ABCB1: variants seen among roughly 807,000 people sequenced by gnomAD.
The protein encoded by ABCB1 is ATP binding cassette subfamily B member 1, also known as ATP-dependent translocase ABCB1.
A neutral mutation model predicts 142.0 loss-of-function variants in ABCB1; 69 were observed. The observed-to-expected ratio is 0.49, with a 90% CI of 0.40 to 0.59. The LOEUF (loss-of-function observed/expected upper bound fraction) is 0.59. Ranked by LOEUF, ABCB1 falls within the 20% of genes least tolerant of loss-of-function variation. ABCB1 has a pLI of 0.00. For missense variants in ABCB1, 1,326 were observed against 1,554.7 expected (o/e 0.85, Z 2.47); for synonymous variants, 532 against 539.2 (o/e 0.99, Z 0.18).
chr7:87,659,256 TTTAG>T (rs1457567036), intron 1 of ABCB1: 27 of 413,180 alleles, frequency 6.5e-5, no homozygotes, highest in Non-Finnish European at 1.2e-4. Flanking sequence ...CCATTTTACT[TTTAG>T]TTTTCTGTTT....
intron 1 of ABCB1, among the ~76,000 whole-genome samples, chr7:87,677,873 C>T (rs1012850757): frequency 6.6e-6 from 1 of 152,124 alleles, no homozygotes; most frequent in Non-Finnish European, 1.5e-5. Flanking sequence ...CCATGGAGGA[C>T]AGATGACAGT....
At chr7:87,694,068 GT>G in intron 1 of ABCB1, 1 of 1,521,090 alleles carries the variant, frequency 6.6e-7, no homozygotes, top group Non-Finnish European at 8.7e-7. Flanking sequence ...CATTGCATGG[GT>G]TTTGTAAAGC....
At chr7:87,505,864 T>C in intron 27 of ABCB1, 33 bp downstream of exon 27, 3 of 1,613,290 alleles carry the variant, frequency 1.9e-6, no homozygotes, top group Non-Finnish European at 1.7e-6. Flanking sequence ...GATGACTGAT[T>C]CAAGTATGGA....
chr7:87,707,785 G>T (rs989171620), intron 1 of ABCB1, among the ~76,000 whole-genome samples: 2 of 152,208 alleles, frequency 1.3e-5, no homozygotes, highest in South Asian at 4.1e-4. Context: ...CTGAGCCATA[G>T]TTTATCTCAG....
At chr7:87,558,494 A>G (rs1817407400) in intron 8 of ABCB1, among the ~76,000 whole-genome samples, 1 of 152,012 alleles carries the variant, frequency 6.6e-6, no homozygotes, top group South Asian at 2.1e-4. Flanking sequence ...CCTATTTTCC[A>G]ATACTTACTG....
intron 17 of ABCB1, among the ~76,000 whole-genome samples, chr7:87,543,325 A>G (rs927649108): frequency 6.6e-6 from 1 of 152,210 alleles, no homozygotes; most frequent in African/African-American, 2.4e-5. Context: ...AATATATTTA[A>G]TATTAAGCAT....
chr7:87,583,248 G>T (rs1584900435), intron 4 of ABCB1, among the ~76,000 whole-genome samples: 1 of 152,160 alleles, frequency 6.6e-6, no homozygotes, highest in Admixed American at 6.5e-5. Flanking sequence ...CAACCATCCT[G>T]AGAAGTAGGT....
At position 87,503,761 on chromosome 7, in the gene ABCB1, A is replaced by G; in HGVS notation, c.*482T>C. The G allele has an allele frequency of 5.0e-6, 1 of 200,922 alleles. No homozygotes were observed. Among genetic ancestry groups the G allele is most frequent in the Non-Finnish European group, 1.0e-5 (1 of 97,818 alleles). 12.4% of individuals were successfully genotyped at this position (200,922 alleles called of 1,614,324 possible). On this transcript the variant is annotated 3_prime_UTR_variant, in exon 28 of 28. Transcript: ENST00000622132. ...CTGCTTAACCATTCCCACAAAAATG[A>G]GTAGGTATATTTAAAGAAAACTTTT... is the stretch of plus-strand genomic sequence containing the variant.
chr7:87,513,043 C>T (rs1348440958), intron 25 of ABCB1, among the ~76,000 whole-genome samples: 1 of 152,200 alleles, frequency 6.6e-6, no homozygotes, highest in Non-Finnish European at 1.5e-5. Context: ...GGGAGGTAGA[C>T]ACCAGCTCTC....
chr7:87,598,029 T>A (rs547804839), intron 2 of ABCB1, among the ~76,000 whole-genome samples: 2 of 152,242 alleles, frequency 1.3e-5, no homozygotes, highest in East Asian at 3.9e-4. Context: ...ATGTCCCACA[T>A]CTTGGGTATA....
intron 1 of ABCB1, among the ~76,000 whole-genome samples, chr7:87,676,444 T>G (rs536947427): frequency 6.6e-6 from 1 of 152,136 alleles, no homozygotes; most frequent in Non-Finnish European, 1.5e-5. Flanking sequence ...CTCACACCTA[T>G]AATTCCATCA....
intron 1 of ABCB1, chr7:87,628,785 G>C (rs897917650): frequency 6.8e-6 from 8 of 1,169,250 alleles, no homozygotes; most frequent in Non-Finnish European, 8.7e-6. Flanking sequence ...GGGCGTGCGG[G>C]GTGGCACGAG....
Position 87,626,293 on chromosome 7 carries a change from T to TA in ABCB1, c.-330-25216_-330-25215insT, listed in dbSNP as rs1491574234. 2.0e-4 allele frequency among the ~76,000 whole-genome samples: 10 copies of TA among 48,848 alleles called. 4 individuals carry two copies. The highest frequency in any genetic ancestry group is 2.7e-4 in the Non-Finnish European group (8 of 29,332). 32.0% of individuals were successfully genotyped at this position (48,848 alleles called of 152,430 possible). ...ATGTGTCATATATATGTGTCATATA[T>TA]GTGTCATATATATGTGTCGTATATG... On this transcript the variant is annotated intron_variant, in intron 1 of 28. Coordinates refer to the ABCB1 transcript ENST00000265724.
chr7:87,509,346 C>T lies in ABCB1; in HGVS notation c.3418G>A (p.Val1140Met), dbSNP rs2117067692. 6.2e-7 allele frequency: 1 copy of T among 1,614,144 alleles called. No individual in the cohort carries two copies. Reference sequence around the variant, plus strand: ...GCCCTCACAATCTCTTCCTGTGACACCACCCGGCTGTTGTCTCCATAGGCA... The same window carrying T: ...GCCCTCACAATCTCTTCCTGTGACATCACCCGGCTGTTGTCTCCATAGGCA... The part of the protein sequence containing the change: ...NIAYGDNSRV[V>M]SQEEIVRAAK... Residue 1140 changes from valine to methionine, a missense_variant, in exon 26 of 28, where the codon GTG (valine) becomes ATG (methionine). By Grantham distance (21) the Val-to-Met change is conservative. Coordinates refer to ENST00000622132, the MANE Select transcript of ABCB1 (RefSeq NM_001348946.2).
rs112188226 is a variant in ABCB1 at position 87,674,224 on chromosome 7, C to T, written c.-331+38937G>A. Among the ~76,000 whole-genome samples the T allele has an allele frequency of 4.3e-3, 653 of 152,214 alleles. 4 individuals are homozygous for T. Among genetic ancestry groups the T allele is most frequent in the Non-Finnish European group, 5.7e-3 (389 of 68,000 alleles). Reference sequence around the variant, plus strand: ...TCTGCAGAAGTATAGCGAGGTACACCCTCATTGGCTGGGGCAGGGTACCAG... The same window carrying T: ...TCTGCAGAAGTATAGCGAGGTACACTCTCATTGGCTGGGGCAGGGTACCAG... On this transcript the variant is annotated intron_variant, in intron 1 of 28. Coordinates refer to the ABCB1 transcript ENST00000265724.
At chr7:87,523,028 T>A (rs1217201781) in intron 21 of ABCB1, among the ~76,000 whole-genome samples, 1 of 152,222 alleles carries the variant, frequency 6.6e-6, no homozygotes, top group Non-Finnish European at 1.5e-5. Flanking sequence ...AACATCTTTG[T>A]ACCTAAACAT....
At chr7:87,515,078 C>A in intron 25 of ABCB1, 153 bp downstream of exon 25, 1 of 1,005,212 alleles carries the variant, frequency 9.9e-7, no homozygotes, top group Non-Finnish European at 1.5e-6. Flanking sequence ...CAGATGACAC[C>A]ACTTGGAGAC....
At chr7:87,542,400 A>C (rs1816582284) in intron 17 of ABCB1, among the ~76,000 whole-genome samples, 1 of 152,202 alleles carries the variant, frequency 6.6e-6, no homozygotes, top group Non-Finnish European at 1.5e-5. Context: ...AAACTGAAGT[A>C]CAGAGAAGGT....
intron 4 of ABCB1, among the ~76,000 whole-genome samples, chr7:87,582,649 C>A (rs1330027196): frequency 6.6e-6 from 1 of 152,214 alleles, no homozygotes; most frequent in Non-Finnish European, 1.5e-5. Context: ...ACGGTTTGTA[C>A]AACTACTCTA....
Sources: gnomAD v4.1 joint callset for allele counts (sites outside exome capture counted in the v4.1 genomes callset) on GRCh38, gnomAD v4.1.1 for gene constraint, MANE v1.5 for transcripts, NCBI Gene and HGNC (gene_info 2026-07-23, HGNC 2026-07-21) for gene names.